The following ELMO1 variants were observed in gnomAD, a reference collection of about 807,000 sequenced individuals.
The protein encoded by ELMO1 is engulfment and cell motility protein 1.
A neutral mutation model predicts 98.9 loss-of-function variants in ELMO1; 26 were observed. That is an observed-to-expected ratio of 0.26 (90% CI 0.19 to 0.36). The LOEUF is 0.36. Ranked by LOEUF, ELMO1 falls within the 10% of genes least tolerant of loss-of-function variation. ELMO1 has a pLI of 1.00. For synonymous variants in ELMO1, 346 were observed against 346.0 expected (o/e 1.00, Z 0.00); for missense variants, 627 against 935.2 (o/e 0.67, Z 4.30).
chr7:37,128,537 T>C (rs1254047129), intron 14 of ELMO1, among the ~76,000 whole-genome samples: 8 of 133,832 alleles, frequency 6.0e-5, no homozygotes, highest in African/African-American at 3.0e-4. Flanking sequence ...TCTGTGCCCG[T>C]CCAAGTTTTG....
chr7:37,209,998 T>A (rs1340439467), intron 13 of ELMO1, among the ~76,000 whole-genome samples: 2 of 152,240 alleles, frequency 1.3e-5, no homozygotes, highest in African/African-American at 4.8e-5. Flanking sequence ...AACGTCATAT[T>A]AAAACTAACA....
chr7:37,311,786 T>A (rs925715245), intron 4 of ELMO1, among the ~76,000 whole-genome samples: 2 of 152,176 alleles, frequency 1.3e-5, no homozygotes, highest in Admixed American at 1.3e-4. Context: ...TTCTCACTCC[T>A]TAAACTCTTC....
intron 14 of ELMO1, chr7:37,116,681 A>G (rs1785616096): frequency 6.6e-6 from 1 of 152,018 alleles, no homozygotes; most frequent in Non-Finnish European, 1.5e-5. Context: ...TAAAAAAAAA[A>G]AAAGAAAAGA....
At chr7:37,321,464 T>A (rs1799489464) in intron 2 of ELMO1, among the ~76,000 whole-genome samples, 1 of 151,900 alleles carries the variant, frequency 6.6e-6, no homozygotes, top group Non-Finnish European at 1.5e-5. Flanking sequence ...ACGCTTGTAA[T>A]CCCAGCACTT....
intron 13 of ELMO1, among the ~76,000 whole-genome samples, chr7:37,189,969 C>T (rs1225129349): frequency 2.0e-5 from 3 of 149,630 alleles, no homozygotes; most frequent in African/African-American, 7.4e-5. Flanking sequence ...TTAAACAATC[C>T]TGGACTATGA....
intron 13 of ELMO1, among the ~76,000 whole-genome samples, chr7:37,191,902 G>A (rs1330924463): frequency 1.4e-5 from 2 of 140,866 alleles, no homozygotes; most frequent in African/African-American, 2.5e-5. Context: ...GGGCGAAAGA[G>A]GAAGACTCCA....
chr7:37,375,863 C>A, intron 1 of ELMO1: 1 of 703,942 alleles, frequency 1.4e-6, no homozygotes, highest in Non-Finnish European at 2.6e-6. Context: ...ACTGAGCAAC[C>A]TGCAAGACTC....
chr7:37,042,155 C>A (rs1453867715), intron 15 of ELMO1, among the ~76,000 whole-genome samples: 1 of 149,074 alleles, frequency 6.7e-6, no homozygotes, highest in Non-Finnish European at 1.5e-5. Flanking sequence ...CATCCCACCA[C>A]TGCACTCCAA....
intron 4 of ELMO1, among the ~76,000 whole-genome samples, chr7:37,295,266 A>T (rs1396107865): frequency 3.3e-5 from 5 of 152,230 alleles, no homozygotes; most frequent in Non-Finnish European, 7.3e-5. Flanking sequence ...TATGCTTGGA[A>T]GGTTTTTTAA....
chr7:37,158,459 A>T (rs1242480245), intron 13 of ELMO1, among the ~76,000 whole-genome samples: 2 of 152,244 alleles, frequency 1.3e-5, no homozygotes, highest in Non-Finnish European at 2.9e-5. Context: ...ACAAATTTAT[A>T]AGAAAAAAAC....
At chr7:37,160,136 G>C (rs542146717) in intron 13 of ELMO1, among the ~76,000 whole-genome samples, 23 of 152,288 alleles carry the variant, frequency 1.5e-4, no homozygotes, top group Admixed American at 3.9e-4. Context: ...ATGCGTGCTT[G>C]CATTTGATAA....
chr7:36,888,059 G>A (rs935455028), intron 17 of ELMO1, among the ~76,000 whole-genome samples: 2 of 152,132 alleles, frequency 1.3e-5, no homozygotes, highest in Non-Finnish European at 2.9e-5. Flanking sequence ...TAAACTCTGG[G>A]ACTGTGTTTG....
At chr7:36,920,406 C>T (rs75975550) in intron 16 of ELMO1, among the ~76,000 whole-genome samples, 7,482 of 152,252 alleles carry the variant, frequency 0.049, 288 homozygotes, top group South Asian at 0.14. Context: ...GTTTATGTTT[C>T]CTAATTCAGC....
chr7:37,360,594 C>T (rs1332142373), intron 1 of ELMO1, among the ~76,000 whole-genome samples: 1 of 152,010 alleles, frequency 6.6e-6, no homozygotes, highest in African/African-American at 2.4e-5. Context: ...CCTCGGTATA[C>T]CCAGGAAGAG....
intron 14 of ELMO1, among the ~76,000 whole-genome samples, chr7:37,103,740 T>C (rs1784775347): frequency 6.6e-6 from 1 of 151,942 alleles, no homozygotes; most frequent in Admixed American, 6.6e-5. Flanking sequence ...TTCATGCCTG[T>C]AATCCCAGCA....
At chr7:37,078,754 A>G (rs1797713092) in intron 15 of ELMO1, among the ~76,000 whole-genome samples, 1 of 152,240 alleles carries the variant, frequency 6.6e-6, no homozygotes, top group African/African-American at 2.4e-5. Context: ...ATATCCTGCA[A>G]TGAGTCTAGT....
chr7:36,964,358 C>G (rs999584454), intron 16 of ELMO1, among the ~76,000 whole-genome samples: 1 of 152,142 alleles, frequency 6.6e-6, no homozygotes, highest in East Asian at 1.9e-4. Context: ...GCAAAATCAT[C>G]TAACGTAAAG....
intron 15 of ELMO1, among the ~76,000 whole-genome samples, chr7:37,077,724 A>G (rs2129231891): frequency 6.6e-6 from 1 of 152,290 alleles, no homozygotes; most frequent in South Asian, 2.1e-4. Flanking sequence ...TTCAGGCGCC[A>G]ACAACGGGGT....
chr7:37,382,553 CA>C (rs1440698002), intron 1 of ELMO1, among the ~76,000 whole-genome samples: 1 of 152,110 alleles, frequency 6.6e-6, no homozygotes, highest in Admixed American at 6.5e-5. Context: ...AAGGTGTCCC[CA>C]CCATCCCATA....
Sources: allele counts gnomAD v4.1 joint callset (sites outside exome capture counted in the v4.1 genomes callset), GRCh38; gene constraint gnomAD v4.1.1; transcripts MANE v1.5; gene names NCBI Gene and HGNC (gene_info 2026-07-23, HGNC 2026-07-21).